The following B4GALT4 variants were observed in gnomAD, a reference collection of about 807,000 sequenced individuals.
B4GALT4 encodes beta-1,4-galactosyltransferase 4.
In B4GALT4, 27 loss-of-function variants were observed where a neutral mutation model predicts 37.3. That is an observed-to-expected ratio of 0.72 (90% confidence interval 0.53 to 1.00). B4GALT4 has a LOEUF of 1.00. Ranked by LOEUF, B4GALT4 falls within the 50% of genes least tolerant of loss-of-function variation. The pLI is 0.00. For synonymous variants in B4GALT4, 148 were observed against 154.1 expected, an observed-to-expected ratio of 0.96 and a Z score of 0.29; for missense variants, 372 against 413.1, an observed-to-expected ratio of 0.90 and a Z score of 0.86.
At position 119,240,874 on chromosome 3, in the gene B4GALT4, G is replaced by C. The variant is rs539107453; in HGVS notation, c.-388C>G. 6.6e-6 allele frequency: 1 copy of C among 152,394 alleles called. No individual in the cohort carries two copies. The highest frequency in any genetic ancestry group is 1.9e-4 in the East Asian group (1 of 5,176). 9.4% of individuals were successfully genotyped at this position (152,394 alleles called of 1,614,324 possible). A position where few individuals can be genotyped will look rare whatever the true frequency, so the allele number is the denominator to read the frequency against. The stretch of plus-strand genomic sequence containing the variant: ...CCCCGGAGGCGGCCGCGGCGAGCTA[G>C]CACTGCCCGCGGAGAGGGGAGAACG... On this transcript the variant is annotated 5_prime_UTR_variant, in exon 1 of 8. Transcript: ENST00000393765.
intron 5 of B4GALT4, among the ~76,000 whole-genome samples, chr3:119,219,373 G>GTCT (rs2078382698): frequency 6.6e-6 from 1 of 152,212 alleles, no homozygotes; most frequent in Non-Finnish European, 1.5e-5. Context: ...ACCAGACAGA[G>GTCT]TCTAGGTAGT....
At chr3:119,216,154 C>T in intron 7 of B4GALT4, 86 bp downstream of exon 7, 1 of 1,137,860 alleles carries the variant, frequency 8.8e-7, no homozygotes, top group Non-Finnish European at 1.2e-6. Flanking sequence ...AATGAACTGG[C>T]TCAAATCTGA....
At chr3:119,220,140 T>G (rs1372919575) in intron 5 of B4GALT4, among the ~76,000 whole-genome samples, 1 of 152,178 alleles carries the variant, frequency 6.6e-6, no homozygotes, top group East Asian at 1.9e-4. Flanking sequence ...AACTTAAAAT[T>G]CTGGGAAATT....
chr3:119,212,161 C>G lies in B4GALT4; in HGVS notation c.*388G>C. On this transcript the variant is annotated 3_prime_UTR_variant, in exon 8 of 8. Transcript: ENST00000393765. The stretch of plus-strand genomic sequence containing the variant: ...CTTTCTACCTTGGACGAGAACAACT[C>G]TGGTTCTCTCAGACATTCAGCAGTC... 2 of 703,054 alleles carry G rather than the reference C, an allele frequency of 2.8e-6. No homozygotes were observed. Among genetic ancestry groups the G allele is most frequent in the South Asian group, 3.0e-5 (2 of 67,602 alleles). 43.6% of individuals were successfully genotyped at this position (703,054 alleles called of 1,614,324 possible).
chr3:119,225,895 TGCTATATAAGCACA>T (rs1403406426), intron 4 of B4GALT4, among the ~76,000 whole-genome samples: 1 of 150,376 alleles, frequency 6.6e-6, no homozygotes, highest in Non-Finnish European at 1.5e-5. Context: ...GACATAGGTG[TGCTATATAAGCACA>T]CTGATTTTCA....
chr3:119,218,916 A>C, intron 5 of B4GALT4, 144 bp from the exon 6 acceptor site: 1 of 940,400 alleles, frequency 1.1e-6, no homozygotes, highest in Non-Finnish European at 1.6e-6. Flanking sequence ...CCACCTCCCA[A>C]TGCTCCTGGC....
At position 119,216,339 on chromosome 3, in the gene B4GALT4, T is replaced by G. The variant is rs1305098118; in HGVS notation, c.803A>C (p.Glu268Ala). 4.3e-6 allele frequency: 7 copies of G among 1,611,788 alleles called. No homozygotes were observed. ...CCGGGAAATTTTCATTCTTTGGAGC[T>G]CAACCCTAGAAAAATAATAGAGATT... Reference protein sequence around the residue: ...GEDDDLRLRVELQRMKISRPL... With the variant: ...GEDDDLRLRVALQRMKISRPL... The change falls in exon 7 of 8, where the codon GAG becomes GCG. Residue 268 changes from glutamate to alanine, a missense_variant. By Grantham distance (107) the Glu-to-Ala change is moderately radical. Coordinates refer to ENST00000393765, the MANE Select transcript of B4GALT4 (RefSeq NM_003778.4).
chr3:119,228,091 A>G (rs746562313), intron 3 of B4GALT4, among the ~76,000 whole-genome samples: 1 of 152,226 alleles, frequency 6.6e-6, no homozygotes, highest in East Asian at 1.9e-4. Flanking sequence ...GACAACTACT[A>G]GAGCTGATGC....
At chr3:119,219,048 A>G (rs1336281613) in intron 5 of B4GALT4, among the ~76,000 whole-genome samples, 1 of 152,152 alleles carries the variant, frequency 6.6e-6, no homozygotes, top group African/African-American at 2.4e-5. Flanking sequence ...ATACCTGTCA[A>G]TGTGAACCAC....
chr3:119,216,280 A>C lies in B4GALT4; in HGVS notation c.862T>G (p.Phe288Val), dbSNP rs1243696597. ...TCATTGCCTTTGTCTCTAGTGTGGAAGACCATTGTATATTTACCCACTTCA... is the reference window on the plus strand; with the variant it reads ...TCATTGCCTTTGTCTCTAGTGTGGACGACCATTGTATATTTACCCACTTCA... The part of the protein sequence containing the change: ...LPEVGKYTMV[F>V]HTRDKGNEVN... The change falls in exon 7 of 8, where the codon TTC becomes GTC. Residue 288 changes from phenylalanine to valine, a missense_variant. Phe to Val is a conservative substitution (Grantham distance 50, BLOSUM62 -1). Transcript: ENST00000393765. 1.2e-6 allele frequency: 2 copies of C among 1,613,740 alleles called. No homozygotes were observed. Among genetic ancestry groups the C allele is most frequent in the African/African-American group, 2.7e-5 (2 of 74,918 alleles).
intron 1 of B4GALT4, chr3:119,240,198 C>T (rs997690169): frequency 3.3e-5 from 5 of 152,184 alleles, no homozygotes; most frequent in Non-Finnish European, 5.9e-5. Context: ...AGGCTACCAA[C>T]CCATAGGCCT....
chr3:119,229,894 G>A lies in B4GALT4; in HGVS notation c.206C>T (p.Thr69Met), dbSNP rs1413926933. ...GCAGTTGTCAAGTTCTACCTTCTTC[G>A]TGGATGCTTCATTAGTCAGAGTTTT... ...KGKTLTNEAS[T>M]KKVELDNCPS... Residue 69 changes from threonine (T) to methionine (M), a missense_variant, in exon 3 of 8, where the codon ACG becomes ATG. By Grantham distance (81) the Thr-to-Met change is moderately conservative. Coordinates refer to ENST00000393765, the MANE Select transcript of B4GALT4 (RefSeq NM_003778.4). 1.5e-5 allele frequency: 24 copies of A among 1,614,016 alleles called. No individual in the cohort carries two copies. The highest frequency in any genetic ancestry group is 2.7e-5 in the African/African-American group (2 of 74,914).
intron 7 of B4GALT4, chr3:119,215,081 G>A (rs2078254577): frequency 6.6e-6 from 1 of 152,210 alleles, no homozygotes; most frequent in Non-Finnish European, 1.5e-5. Context: ...AATACTGAGT[G>A]TCAACTTGAT....
intron 2 of B4GALT4, 90 bp from the exon 3 acceptor site, chr3:119,230,334 G>A (rs895438774): frequency 8.0e-5 from 45 of 560,038 alleles, no homozygotes; most frequent in Non-Finnish European, 1.2e-4. Flanking sequence ...ACCCATCCCC[G>A]ATGGACCTTG....
At chr3:119,234,170 T>C (rs2078913714) in intron 2 of B4GALT4, among the ~76,000 whole-genome samples, 1 of 151,964 alleles carries the variant, frequency 6.6e-6, no homozygotes, top group African/African-American at 2.4e-5. Context: ...CTGGCCGGAG[T>C]GCAGTGGTGT....
At chr3:119,218,499 T>C in intron 6 of B4GALT4, 151 bp downstream of exon 6, 1 of 1,096,532 alleles carries the variant, frequency 9.1e-7, no homozygotes, top group Non-Finnish European at 1.3e-6. Flanking sequence ...TGGGCCATCC[T>C]ACCTTCCCTC....
rs763053642 is a variant in B4GALT4, at chr3:119,230,140, T to C, written c.-41A>G. The C allele has an allele frequency of 1.2e-5, 19 of 1,604,558 alleles. No individual in the cohort carries two copies. Among genetic ancestry groups the C allele is most frequent in the Middle Eastern group, 1.7e-4 (1 of 6,042 alleles). ...AATAATATCTATCTCTCTGCTTCAC[T>C]GCAGGCAAGAAAGCTTCAAGTTGAG... On this transcript the variant is annotated 5_prime_UTR_variant, in exon 3 of 8. Transcript: ENST00000393765.
intron 5 of B4GALT4, among the ~76,000 whole-genome samples, chr3:119,222,354 A>C (rs2078474165): frequency 6.6e-6 from 1 of 152,186 alleles, no homozygotes; most frequent in Non-Finnish European, 1.5e-5. Context: ...CCTAGATAAT[A>C]AGATTAGATC....
chr3:119,222,158 G>A (rs1302686007), intron 5 of B4GALT4, among the ~76,000 whole-genome samples: 1 of 152,160 alleles, frequency 6.6e-6, no homozygotes, highest in East Asian at 1.9e-4. Flanking sequence ...TGGGCAATGG[G>A]AAGTTTAAGA....
Sources: gnomAD v4.1 joint callset for allele counts (sites outside exome capture counted in the v4.1 genomes callset) on GRCh38, gnomAD v4.1.1 for gene constraint, MANE v1.5 for transcripts, NCBI Gene and HGNC (gene_info 2026-07-23, HGNC 2026-07-21) for gene names.